The following NCOA5 variants were observed in gnomAD, a reference collection of about 807,000 sequenced individuals.
NCOA5 encodes the protein nuclear receptor coactivator 5.
A neutral mutation model predicts 59.0 loss-of-function variants in NCOA5; 12 were observed. The ratio of observed to expected loss-of-function variants is 0.20; its 90% confidence interval spans 0.13 to 0.33. The LOEUF (loss-of-function observed/expected upper bound fraction) is 0.33. Ranked by LOEUF, NCOA5 falls within the 10% of genes least tolerant of loss-of-function variation. NCOA5 has a pLI of 1.00. For missense variants in NCOA5, 655 were observed against 766.6 expected (o/e 0.85, Z 1.72); for synonymous variants, 270 against 275.5 (o/e 0.98, Z 0.20).
intron 2 of NCOA5, among the ~76,000 whole-genome samples, chr20:46,076,503 A>G (rs1002376192): frequency 6.6e-6 from 1 of 152,162 alleles, no homozygotes; most frequent in South Asian, 2.1e-4. Context: ...TTTGAATACA[A>G]TGTTAAACCT....
intron 6 of NCOA5, 58 bp from the exon 7 acceptor site, chr20:46,063,738 G>A: frequency 1.3e-6 from 2 of 1,500,820 alleles, no homozygotes; most frequent in Non-Finnish European, 9.1e-7. Flanking sequence ...GTGCCCACCT[G>A]CTGCACTCTG....
chr20:46,068,687 G>A (rs2084850130), intron 3 of NCOA5, 49 bp from the exon 4 acceptor site: 2 of 1,569,178 alleles, frequency 1.3e-6, no homozygotes, highest in Admixed American at 1.9e-5. Context: ...GTCTTATCCT[G>A]AAAAAGTCAC....
intron 1 of NCOA5, among the ~76,000 whole-genome samples, chr20:46,082,107 T>C (rs969958224): frequency 3.9e-5 from 6 of 151,998 alleles, no homozygotes; most frequent in Non-Finnish European, 7.4e-5. Context: ...AATGCAAATA[T>C]TGAGAATGCT....
At chr20:46,063,298 G>A in intron 7 of NCOA5, 62 bp downstream of exon 7, 1 of 1,538,886 alleles carries the variant, frequency 6.5e-7, no homozygotes, top group South Asian at 1.2e-5. Flanking sequence ...CCTCCCAACA[G>A]AGCCTGGGGA....
intron 2 of NCOA5, among the ~76,000 whole-genome samples, chr20:46,074,375 T>C (rs1162678774): frequency 6.6e-6 from 1 of 152,136 alleles, no homozygotes; most frequent in Non-Finnish European, 1.5e-5. Flanking sequence ...GTTAACAATA[T>C]CATCCCACAG....
intron 1 of NCOA5, 141 bp from the exon 2 acceptor site, chr20:46,079,594 T>A (rs954767170): frequency 8.8e-6 from 6 of 682,926 alleles, no homozygotes; most frequent in Non-Finnish European, 1.5e-5. Context: ...AGAGACACAC[T>A]GTCACTTGGG....
intron 4 of NCOA5, among the ~76,000 whole-genome samples, chr20:46,067,986 A>T (rs1307450379): frequency 6.6e-6 from 1 of 151,428 alleles, no homozygotes; most frequent in Non-Finnish European, 1.5e-5. Context: ...GCTGGAGTGC[A>T]GTGGCACAAT....
At chr20:46,064,468 C>T (rs759983218) in intron 6 of NCOA5, among the ~76,000 whole-genome samples, 5 of 152,234 alleles carry the variant, frequency 3.3e-5, no homozygotes, top group Non-Finnish European at 5.9e-5. Context: ...GCCTGGGCCT[C>T]TACAGGGTCA....
chr20:46,077,123 C>T (rs1327450255), intron 2 of NCOA5, among the ~76,000 whole-genome samples: 2 of 152,092 alleles, frequency 1.3e-5, no homozygotes, highest in Non-Finnish European at 2.9e-5. Flanking sequence ...TTGCCCAGGC[C>T]GGTCTCAAAC....
At position 46,062,795 on chromosome 20, in the gene NCOA5, G is replaced by C; in HGVS notation, c.1245C>G (p.Pro415=). 6.3e-7 allele frequency: 1 copy of C among 1,581,358 alleles called. No homozygotes were observed. The change falls in exon 8 of 8, where the codon CCC becomes CCG. Residue 415 remains proline, a synonymous_variant. Transcript: ENST00000290231. ...SQPLQSGQVL[P]SATPTPSAPP... ...GTGCAGATGGAGTGGGTGTAGCAGA[G>C]GGGAGCACTTGGCCGCTCTGGAGCG... is the stretch of plus-strand genomic sequence containing the variant.
chr20:46,070,382 G>A lies in NCOA5; in HGVS notation c.193C>T (p.His65Tyr), dbSNP rs1390501708. Residue 65 changes from histidine (H) to tyrosine (Y), a missense_variant, in exon 3 of 8, where the codon CAT becomes TAT. Coordinates refer to ENST00000290231, the MANE Select transcript of NCOA5 (RefSeq NM_020967.3). ...RDPRDLRDHR[H>Y]SRDLRDHRDS... ...CTGTGATCCCGCAAATCTCTACTATGTCTGTGGTCCCGCAAGTCTCGGGGG... is the reference window on the plus strand; with the variant it reads ...CTGTGATCCCGCAAATCTCTACTATATCTGTGGTCCCGCAAGTCTCGGGGG... 1 of 1,613,308 alleles carries A rather than the reference G, an allele frequency of 6.2e-7. No homozygotes were observed.
chr20:46,071,920 C>T (rs1241397825), intron 2 of NCOA5, among the ~76,000 whole-genome samples: 3 of 152,168 alleles, frequency 2.0e-5, no homozygotes, highest in Admixed American at 6.5e-5. Context: ...TTATGTCTGA[C>T]CCGCTTTAAG....
rs769472367 is a variant in NCOA5, at chr20:46,062,605, C to T, written c.1435G>A (p.Ala479Thr). 20 of 1,614,052 alleles carry T rather than the reference C, an allele frequency of 1.2e-5. No individual in the cohort carries two copies. Among genetic ancestry groups the T allele is most frequent in the Non-Finnish European group, 1.5e-5 (18 of 1,180,038 alleles). ...ATGCTTGGAGGCTGATTGCCAGAAG[C>T]CTGTGATCTTTGTTGAGGCTGGCTG... Reference protein sequence around the residue: ...ANSQPQQRSQASGNQPPSILG... With the variant: ...ANSQPQQRSQTSGNQPPSILG... Residue 479 changes from alanine (A) to threonine (T), a missense_variant, in exon 8 of 8, where the codon GCT becomes ACT. Physicochemically the swap from Ala to Thr is moderately conservative, Grantham distance 58. This residue lies in a region of NCOA5 where 325 missense variants were observed against 353.2 expected (regional missense o/e 0.92). Coordinates refer to ENST00000290231, the MANE Select transcript of NCOA5 (RefSeq NM_020967.3).
chr20:46,068,650 A>G lies in NCOA5; in HGVS notation c.366-12T>C. On this transcript the variant is annotated splice_polypyrimidine_tract_variant and intron_variant, in intron 3 of 7. Coordinates refer to ENST00000290231, the MANE Select transcript of NCOA5 (RefSeq NM_020967.3). ...AAGAGCCTTCTCTCCTGAAAAGTTA[A>G]GGAAATTTTCATAAAGATAAAACTG... The G allele has an allele frequency of 6.2e-7, 1 of 1,601,374 alleles. No homozygotes were observed. The highest frequency in any genetic ancestry group is 8.5e-7 in the Non-Finnish European group (1 of 1,176,330).
chr20:46,062,033 C>T lies in NCOA5; in HGVS notation c.*267G>A, dbSNP rs1296019673. Reference sequence around the variant, plus strand: ...GGGACCGGAGAAACCCCATCAAATACAAGCCCAGACACCTGTACTGCCCCC... The same window carrying T: ...GGGACCGGAGAAACCCCATCAAATATAAGCCCAGACACCTGTACTGCCCCC... On this transcript the variant is annotated 3_prime_UTR_variant, in exon 8 of 8. Transcript: ENST00000290231. 3.4e-6 allele frequency: 1 copy of T among 294,214 alleles called. No individual in the cohort carries two copies. The allele number at this position is 294,214 out of a possible 1,614,324, so 18.2% of individuals were successfully genotyped here.
At chr20:46,077,808 T>C (rs2084953474) in intron 2 of NCOA5, among the ~76,000 whole-genome samples, 1 of 152,206 alleles carries the variant, frequency 6.6e-6, no homozygotes. Flanking sequence ...CCACCTGTAT[T>C]CCATTCTGTG....
chr20:46,064,967 T>G, intron 6 of NCOA5, 62 bp downstream of exon 6: 1 of 1,565,362 alleles, frequency 6.4e-7, no homozygotes, highest in Admixed American at 1.7e-5. Context: ...CTGCTTCTTC[T>G]GAGTAAGGCA....
chr20:46,084,530 T>C (rs558993256), intron 1 of NCOA5, among the ~76,000 whole-genome samples: 4 of 152,200 alleles, frequency 2.6e-5, no homozygotes, highest in Admixed American at 6.5e-5. Flanking sequence ...GGTTTGCTAT[T>C]AACATTCACC....
chr20:46,067,433 T>C (rs1304693459), intron 4 of NCOA5, among the ~76,000 whole-genome samples: 1 of 152,212 alleles, frequency 6.6e-6, no homozygotes. Flanking sequence ...TACTAATTTA[T>C]ACCTCCACAG....
Sources: allele counts gnomAD v4.1 joint callset (sites outside exome capture counted in the v4.1 genomes callset), GRCh38; gene constraint gnomAD v4.1.1; regional missense constraint gnomAD v4.1.1; transcripts MANE v1.5; gene names NCBI Gene and HGNC (gene_info 2026-07-23, HGNC 2026-07-21).